The following LCLAT1 variants were observed in gnomAD, a reference collection of about 807,000 sequenced individuals.
LCLAT1 encodes the protein 1-AGP acyltransferase 8.
In LCLAT1, 11 loss-of-function variants were observed where a neutral mutation model predicts 30.7. The observed-to-expected ratio is 0.36, with a 90% CI of 0.23 to 0.59. LCLAT1 has a LOEUF of 0.59. Among genes scored for constraint, LCLAT1 ranks in the 20% least tolerant of loss-of-function variants. The pLI is 0.77. For synonymous variants in LCLAT1, 155 were observed against 151.3 expected (o/e 1.02, Z -0.18); for missense variants, 402 against 458.6 (o/e 0.88, Z 1.13).
rs559974678 is a variant in LCLAT1, at chr2:30,452,969, CAG to C, written c.-5+5589_-5+5590del. Among the ~76,000 whole-genome samples the C allele has an allele frequency of 4.1e-3, 621 of 152,210 alleles. 6 individuals carry two copies. Among genetic ancestry groups the C allele is most frequent in the African/African-American group, 0.014 (584 of 41,532 alleles). ...GGTTGCCATCAGTGAAAGCTGACAA[CAG>C]AGGATTAGCTGCCTTGTCTGCAGCT... On this transcript the variant is annotated intron_variant, in intron 1 of 5. Coordinates refer to ENST00000379509, the MANE Select transcript of LCLAT1 (RefSeq NM_001002257.3).
intron 5 of LCLAT1, among the ~76,000 whole-genome samples, chr2:30,582,624 C>T (rs1023975479): frequency 5.9e-5 from 9 of 152,162 alleles, no homozygotes; most frequent in Admixed American, 2.0e-4. Flanking sequence ...AGCCCAGATT[C>T]CTTTTAAAAA....
At chr2:30,611,010 T>G (rs1466620438) in intron 5 of LCLAT1, among the ~76,000 whole-genome samples, 1 of 151,968 alleles carries the variant, frequency 6.6e-6, no homozygotes, top group African/African-American at 2.4e-5. Flanking sequence ...ACTTCTTCCT[T>G]GATCATCTTT....
At chr2:30,584,572 G>A (rs1666346132) in intron 5 of LCLAT1, among the ~76,000 whole-genome samples, 1 of 152,130 alleles carries the variant, frequency 6.6e-6, no homozygotes, top group Non-Finnish European at 1.5e-5. Flanking sequence ...TATCCTGGAA[G>A]GTTCTCTGGA....
intron 5 of LCLAT1, among the ~76,000 whole-genome samples, chr2:30,633,189 G>C (rs569545458): frequency 2.0e-5 from 3 of 152,082 alleles, no homozygotes; most frequent in Non-Finnish European, 4.4e-5. Flanking sequence ...TATCTTCTTA[G>C]AGTAACTTTT....
At chr2:30,521,980 T>TA (rs1685500861) in intron 1 of LCLAT1, among the ~76,000 whole-genome samples, 1 of 152,230 alleles carries the variant, frequency 6.6e-6, no homozygotes, top group Non-Finnish European at 1.5e-5. Context: ...CTGGCCTCTT[T>TA]CATTCAGCAT....
intron 5 of LCLAT1, among the ~76,000 whole-genome samples, chr2:30,610,773 T>A (rs1419222323): frequency 9.2e-5 from 14 of 152,172 alleles, no homozygotes; most frequent in Admixed American, 9.2e-4. Context: ...ACATTTAATG[T>A]CTTTTCTGTT....
chr2:30,561,206 G>A (rs185069301), intron 3 of LCLAT1, among the ~76,000 whole-genome samples: 367 of 152,180 alleles, frequency 2.4e-3, no homozygotes, highest in Non-Finnish European at 4.2e-3. Context: ...GCCTCCCAAA[G>A]TGCTGGGATT....
At chr2:30,458,177 C>G (rs1450700424) in intron 1 of LCLAT1, among the ~76,000 whole-genome samples, 2 of 152,152 alleles carry the variant, frequency 1.3e-5, no homozygotes, top group Non-Finnish European at 2.9e-5. Flanking sequence ...TATGCAGTGA[C>G]CTTGCTGCTC....
At chr2:30,524,884 G>T (rs1685634211) in intron 1 of LCLAT1, among the ~76,000 whole-genome samples, 1 of 152,048 alleles carries the variant, frequency 6.6e-6, no homozygotes, top group Admixed American at 6.5e-5. Flanking sequence ...GGGGGTCTTG[G>T]AATGGATCCA....
chr2:30,637,034 G>A (rs1177675217), intron 5 of LCLAT1, among the ~76,000 whole-genome samples: 2 of 152,184 alleles, frequency 1.3e-5, no homozygotes, highest in African/African-American at 4.8e-5. Context: ...TGATTTCCGA[G>A]GAGTTTTGAA....
At chr2:30,448,566 A>G (rs1454100546) in intron 1 of LCLAT1, among the ~76,000 whole-genome samples, 7 of 152,226 alleles carry the variant, frequency 4.6e-5, no homozygotes, top group Non-Finnish European at 8.8e-5. Flanking sequence ...AATAGCTGCA[A>G]TCTCTGGAGT....
intron 3 of LCLAT1, among the ~76,000 whole-genome samples, chr2:30,539,838 A>C (rs1664043452): frequency 6.6e-6 from 1 of 152,222 alleles, no homozygotes; most frequent in South Asian, 2.1e-4. Flanking sequence ...AAAGGTCACA[A>C]CTGCATATCA....
intron 5 of LCLAT1, among the ~76,000 whole-genome samples, chr2:30,586,846 A>C (rs12714308): frequency 2.6e-5 from 4 of 152,026 alleles, no homozygotes; most frequent in Non-Finnish European, 4.4e-5. Flanking sequence ...AAAAAGACTT[A>C]AAAAAAACCA....
In LCLAT1 at chr2:30,640,375, C is replaced by T. The variant is rs1247668034; in HGVS notation, c.887C>T (p.Pro296Leu). Residue 296 changes from proline (P) to leucine (L), a missense_variant, in exon 6 of 6, where the codon CCA becomes CTA. Transcript: ENST00000379509. ...NFYFTGQSVI[P>L]PCKSELRVLV... The stretch of plus-strand genomic sequence containing the variant: ...TATTTTACCGGACAGAGTGTCATTC[C>T]ACCTTGCAAGTCTGAACTCAGGGTC... The T allele has an allele frequency of 1.9e-6, 3 of 1,614,084 alleles. No homozygotes were observed. Among genetic ancestry groups the T allele is most frequent in the African/African-American group, 1.3e-5 (1 of 74,936 alleles).
At chr2:30,458,501 T>G (rs148053623) in intron 1 of LCLAT1, among the ~76,000 whole-genome samples, 3 of 152,200 alleles carry the variant, frequency 2.0e-5, no homozygotes, top group South Asian at 4.2e-4. Flanking sequence ...CAAGAGCAAT[T>G]TTTGGATGAG....
intron 5 of LCLAT1, among the ~76,000 whole-genome samples, chr2:30,596,604 C>G (rs908874577): frequency 3.3e-5 from 5 of 151,506 alleles, no homozygotes; most frequent in African/African-American, 4.9e-5. Context: ...TCTGTTTGCT[C>G]TGATGATAGT....
chr2:30,478,726 TA>T (rs1220017270), intron 1 of LCLAT1, among the ~76,000 whole-genome samples: 1 of 150,482 alleles, frequency 6.6e-6, no homozygotes, highest in South Asian at 2.1e-4. Flanking sequence ...TACATAAATT[TA>T]AAAAACCAAA....
At chr2:30,606,239 T>C (rs1454402103) in intron 5 of LCLAT1, 1 of 321,154 alleles carries the variant, frequency 3.1e-6, no homozygotes, top group African/African-American at 2.4e-5. Flanking sequence ...GAAAAAACTC[T>C]TAAAATTCAT....
At chr2:30,509,343 A>G (rs1199523343) in intron 1 of LCLAT1, among the ~76,000 whole-genome samples, 2 of 152,156 alleles carry the variant, frequency 1.3e-5, no homozygotes, top group East Asian at 3.9e-4. Context: ...GTTTTGTGCC[A>G]GTTATCAAGG....
Sources: allele counts gnomAD v4.1 joint callset (sites outside exome capture counted in the v4.1 genomes callset), GRCh38; gene constraint gnomAD v4.1.1; transcripts MANE v1.5; gene names NCBI Gene and HGNC (gene_info 2026-07-23, HGNC 2026-07-21).